FAR1: variants seen among roughly 807,000 people sequenced by gnomAD.
FAR1 encodes the protein male sterility domain-containing protein 2.
FAR1 carries 22 observed loss-of-function variants against 61.1 expected under a neutral mutation model. That is an observed-to-expected ratio of 0.36 (90% confidence interval 0.26 to 0.51). The LOEUF is 0.51. Ranked by LOEUF, FAR1 falls within the 20% of genes least tolerant of loss-of-function variation. FAR1 has a pLI of 0.95. For missense variants in FAR1, 359 were observed against 626.9 expected (o/e 0.57, Z 4.56); for synonymous variants, 206 against 209.7 (o/e 0.98, Z 0.15).
intron 1 of FAR1, among the ~76,000 whole-genome samples, chr11:13,670,415 C>G (rs78157059): frequency 0.16 from 24,188 of 152,068 alleles, 2,078 homozygotes; most frequent in South Asian, 0.24. Context: ...CTCAGCCTCT[C>G]GAGTAGTTGG....
At position 13,713,008 on chromosome 11, in the gene FAR1, T is replaced by C. The variant is rs12798176; in HGVS notation, c.930T>C (p.Thr310=). The change falls in exon 8 of 12, where the codon ACT becomes ACC. Residue 310 remains threonine, a synonymous_variant. Coordinates refer to ENST00000354817, the MANE Select transcript of FAR1 (RefSeq NM_032228.6). The part of the protein sequence containing the change: ...IMVYNCTTGS[T]NPFHWGEVEY... ...TGTATAATTGTACAACAGGCAGCAC[T>C]AATCCTTTCCACTGGGGTGAAGTTG... The C allele has an allele frequency of 0.04, 65,057 of 1,612,748 alleles. 1,535 individuals are homozygous for C. The highest frequency in any genetic ancestry group is 0.047 in the Non-Finnish European group (54,893 of 1,178,884).
chr11:13,723,396 A>AG, intron 10 of FAR1: 1 of 415,674 alleles, frequency 2.4e-6, no homozygotes, highest in Non-Finnish European at 4.7e-6. Flanking sequence ...CCAAAAAAAA[A>AG]CTTTTTTATT....
At position 13,668,695 on chromosome 11, in the gene FAR1, C is replaced by G. The variant is rs990858617; in HGVS notation, c.-119C>G. On this transcript the variant is annotated 5_prime_UTR_variant, in exon 1 of 12. Transcript: ENST00000354817. ...CACTGCCCGTCCGCTCTTCAGCAGC[C>G]GGTCGCGGGCGGTGGAAAAGCGAGT... 2.0e-5 allele frequency: 3 copies of G among 153,692 alleles called. No individual in the cohort carries two copies. The highest frequency in any genetic ancestry group is 6.5e-5 in the Admixed American group (1 of 15,290). 9.5% of individuals were successfully genotyped at this position (153,692 alleles called of 1,614,324 possible).
rs530019805 is a variant in FAR1, at chr11:13,669,888, A to T, written c.-8+1082A>T. 2.0e-4 allele frequency among the ~76,000 whole-genome samples: 30 copies of T among 152,274 alleles called. No homozygotes were observed. In the East Asian group the frequency reaches 5.8e-3, roughly 29 times the overall value. On this transcript the variant is annotated intron_variant, in intron 1 of 11. Coordinates refer to ENST00000354817, the MANE Select transcript of FAR1 (RefSeq NM_032228.6). ...GAATCCCTTAATTCTTTATGTTAAA[A>T]AAAAAAGTGTTGGTTTAAAGACAAC...
intron 1 of FAR1, among the ~76,000 whole-genome samples, chr11:13,671,380 C>T (rs1848002192): frequency 6.6e-6 from 1 of 152,096 alleles, no homozygotes; most frequent in African/African-American, 2.4e-5. Context: ...GGAAATCAAC[C>T]AAGGCTATGT....
At chr11:13,717,020 A>G (rs930171028) in intron 9 of FAR1, among the ~76,000 whole-genome samples, 2 of 144,872 alleles carry the variant, frequency 1.4e-5, no homozygotes, top group African/African-American at 5.1e-5. Flanking sequence ...GAAAGTGGTC[A>G]AGATGAAGGG....
intron 2 of FAR1, among the ~76,000 whole-genome samples, chr11:13,696,613 TA>T (rs1389484398): frequency 6.6e-6 from 1 of 151,666 alleles, no homozygotes; most frequent in African/African-American, 2.4e-5. Context: ...TTATTTTCAA[TA>T]AAAAAAAGTT....
chr11:13,712,961 T>A lies in FAR1; in HGVS notation c.888-5T>A, dbSNP rs188596684. 3 of 1,611,552 alleles carry A rather than the reference T, an allele frequency of 1.9e-6. No homozygotes were observed. Among genetic ancestry groups the A allele is most frequent in the Non-Finnish European group, 1.7e-6 (2 of 1,178,070 alleles). ...GATTAATTGGTTTCATCTTTGTCTT[T>A]GCAGACCAAGAAACATCATGGTGTA... is the stretch of plus-strand genomic sequence containing the variant. On this transcript the variant is annotated splice_polypyrimidine_tract_variant and splice_region_variant and intron_variant, in intron 7 of 11. Coordinates refer to ENST00000354817, the MANE Select transcript of FAR1 (RefSeq NM_032228.6).
At chr11:13,686,898 C>A (rs1463589582) in intron 1 of FAR1, among the ~76,000 whole-genome samples, 8 of 152,176 alleles carry the variant, frequency 5.3e-5, no homozygotes, top group Non-Finnish European at 7.3e-5. Flanking sequence ...CTTAGAAGTT[C>A]TCTGTGATTC....
At chr11:13,691,054 A>C (rs144719718) in intron 1 of FAR1, among the ~76,000 whole-genome samples, 1 of 152,246 alleles carries the variant, frequency 6.6e-6, no homozygotes, top group Admixed American at 6.5e-5. Context: ...TGGGTAATCT[A>C]TAAAGAACAG....
At position 13,705,653 on chromosome 11, in the gene FAR1, G is replaced by A. The variant is rs890429147; in HGVS notation, c.366-2247G>A. On this transcript the variant is annotated intron_variant, in intron 3 of 11. Transcript: ENST00000354817. ...TTCTTGTTGGATTTTCACTTGAACAGATTTTCTCCCTCAATTAAGGAAGAA... is the reference window on the plus strand; with the variant it reads ...TTCTTGTTGGATTTTCACTTGAACAAATTTTCTCCCTCAATTAAGGAAGAA... 2.6e-5 allele frequency among the ~76,000 whole-genome samples: 4 copies of A among 151,918 alleles called. No individual in the cohort carries two copies. In the South Asian group the frequency reaches 8.3e-4, roughly 32 times the overall value.
rs1256728220 is a variant in FAR1 at position 13,700,440 on chromosome 11, A to G, written c.313A>G (p.Thr105Ala). The change falls in exon 3 of 12, where the codon ACC (threonine) becomes GCC (alanine). Residue 105 changes from threonine to alanine, a missense_variant. By Grantham distance (58) the Thr-to-Ala change is moderately conservative. Transcript: ENST00000354817. The stretch of plus-strand genomic sequence containing the variant: ...AGATAAAGAGGTGATCATAGATTCT[A>G]CCAATATTATATTCCACTGTGCAGC... ...EEDKEVIIDSTNIIFHCAATV... is the reference protein window; with the variant it reads ...EEDKEVIIDSANIIFHCAATV... The G allele has an allele frequency of 6.3e-7, 1 of 1,588,984 alleles. No homozygotes were observed. The highest frequency in any genetic ancestry group is 8.5e-7 in the Non-Finnish European group (1 of 1,171,136).
chr11:13,678,517 G>C (rs1239813026), intron 1 of FAR1, among the ~76,000 whole-genome samples: 1 of 152,176 alleles, frequency 6.6e-6, no homozygotes, highest in African/African-American at 2.4e-5. Context: ...ACCCGCCTCG[G>C]CCTCCCAAAG....
At chr11:13,690,037 G>A (rs763794598) in intron 1 of FAR1, among the ~76,000 whole-genome samples, 1 of 151,930 alleles carries the variant, frequency 6.6e-6, no homozygotes, top group African/African-American at 2.4e-5. Flanking sequence ...CACCACGCCC[G>A]ACTAATTTTT....
Position 13,668,717 on chromosome 11 carries a change from G to T in FAR1, c.-97G>T, listed in dbSNP as rs1048325680. 4.5e-5 allele frequency: 7 copies of T among 155,770 alleles called. No individual in the cohort carries two copies. Among genetic ancestry groups the T allele is most frequent in the South Asian group, 3.5e-4 (2 of 5,712 alleles). 9.6% of individuals were successfully genotyped at this position (155,770 alleles called of 1,614,324 possible). On this transcript the variant is annotated 5_prime_UTR_variant, in exon 1 of 12. Transcript: ENST00000354817. ...AGCCGGTCGCGGGCGGTGGAAAAGC[G>T]AGTGAAGAGAGCGCGACGGCGGCGG...
intron 10 of FAR1, chr11:13,723,386 C>CA: frequency 2.4e-6 from 1 of 413,308 alleles, no homozygotes; most frequent in Non-Finnish European, 4.7e-6. Context: ...AAAAAAAACC[C>CA]CAAAAAAAAA....
intron 7 of FAR1, among the ~76,000 whole-genome samples, chr11:13,712,430 A>G (rs1269936728): frequency 6.6e-6 from 1 of 152,144 alleles, no homozygotes. Flanking sequence ...TAATCAGCCC[A>G]TGAACATCTT....
intron 1 of FAR1, among the ~76,000 whole-genome samples, chr11:13,679,645 T>G (rs1848103896): frequency 6.6e-6 from 1 of 152,164 alleles, no homozygotes; most frequent in Non-Finnish European, 1.5e-5. Flanking sequence ...ATTGAAAAAT[T>G]TGTTTTCTGA....
intron 4 of FAR1, among the ~76,000 whole-genome samples, chr11:13,710,483 C>A (rs1034167694): frequency 2.0e-5 from 3 of 151,882 alleles, no homozygotes; most frequent in African/African-American, 7.3e-5. Context: ...GTTTTCAGAT[C>A]TTTTTGGATA....
Sources: gnomAD v4.1 joint callset for allele counts (sites outside exome capture counted in the v4.1 genomes callset) on GRCh38, gnomAD v4.1.1 for gene constraint, MANE v1.5 for transcripts, NCBI Gene and HGNC (gene_info 2026-07-23, HGNC 2026-07-21) for gene names.